Variants in TMEM71 observed in about 807,000 individuals in gnomAD.
The protein encoded by TMEM71 is transmembrane protein 71.
In TMEM71, 44 loss-of-function variants were observed where a neutral mutation model predicts 38.0. That is an observed-to-expected ratio of 1.16 (90% CI 0.91 to 1.49). The LOEUF is 1.49. Among genes scored for constraint, TMEM71 ranks in the 40% most tolerant of loss-of-function variants. The pLI is 0.00. For synonymous variants in TMEM71, 133 were observed against 122.5 expected (o/e 1.09, Z -0.56); for missense variants, 367 against 348.6 (o/e 1.05, Z -0.42).
intron 4 of TMEM71, among the ~76,000 whole-genome samples, chr8:132,749,126 T>G (rs1470440342): frequency 6.6e-6 from 1 of 152,082 alleles, no homozygotes; most frequent in Non-Finnish European, 1.5e-5. Context: ...AGAAAGAAAA[T>G]GGAGTAAGAC....
intron 5 of TMEM71, among the ~76,000 whole-genome samples, chr8:132,739,100 T>C (rs1187957695): frequency 6.6e-6 from 1 of 152,204 alleles, no homozygotes; most frequent in Non-Finnish European, 1.5e-5. Flanking sequence ...AGGAAGCAGA[T>C]TAAGAAAAAT....
intron 5 of TMEM71, among the ~76,000 whole-genome samples, chr8:132,744,480 A>G (rs1376411105): frequency 6.6e-6 from 1 of 152,180 alleles, no homozygotes; most frequent in Non-Finnish European, 1.5e-5. Context: ...AACCAAGGAC[A>G]TAAAAGATCT....
At chr8:132,707,963 A>C (rs1826117094), downstream of TMEM71, among the ~76,000 whole-genome samples, 1 of 152,172 alleles carries the variant, frequency 6.6e-6, no homozygotes, top group South Asian at 2.1e-4. Context: ...GGCTCTTGGC[A>C]CATGGTTGGA....
the TMEM71 span, among the ~76,000 whole-genome samples, chr8:132,770,385 C>A: frequency 5.5e-4 from 84 of 152,280 alleles, no homozygotes; most frequent in African/African-American, 2.0e-3. Flanking sequence ...AGGTTTGGAC[C>A]AGTCTTCACG....
the TMEM71 span, among the ~76,000 whole-genome samples, chr8:132,773,670 A>G: frequency 6.6e-6 from 1 of 152,196 alleles, no homozygotes; most frequent in Non-Finnish European, 1.5e-5. Context: ...TGTGGGAGAA[A>G]AGTTTCCTTA....
At chr8:132,759,868 A>G (rs1209510315) in intron 1 of TMEM71, among the ~76,000 whole-genome samples, 1 of 152,236 alleles carries the variant, frequency 6.6e-6, no homozygotes, top group African/African-American at 2.4e-5. Flanking sequence ...ACCTGTAAAG[A>G]TGTCAGGAGA....
In TMEM71 at chr8:132,722,083, C is replaced by T. The variant is rs761342108; in HGVS notation, c.709G>A (p.Ala237Thr). The T allele has an allele frequency of 3.7e-6, 6 of 1,613,710 alleles. No individual in the cohort carries two copies. Among genetic ancestry groups the T allele is most frequent in the Non-Finnish European group, 5.1e-6 (6 of 1,179,920 alleles). The change falls in exon 7 of 10, where the codon GCA becomes ACA. Residue 237 changes from alanine (A) to threonine (T), a missense_variant. Physicochemically the swap from Ala to Thr is moderately conservative, Grantham distance 58. Transcript: ENST00000677595. ...ATTAAGCACACAGCAAGCAGGATTGCCTGAAAGAAGACCTCTTGCAACAAC... is the reference window on the plus strand; with the variant it reads ...ATTAAGCACACAGCAAGCAGGATTGTCTGAAAGAAGACCTCTTGCAACAAC... ...TRLLQEVFFQ[A>T]ILLAVCLIIS...
At chr8:132,763,355 T>C (rs1444041304), upstream of TMEM71, among the ~76,000 whole-genome samples, 1 of 152,216 alleles carries the variant, frequency 6.6e-6, no homozygotes, top group Non-Finnish European at 1.5e-5. Flanking sequence ...GTGCTTCCCA[T>C]ATAGTAGGTT....
chr8:132,729,147 A>G (rs914398037), intron 5 of TMEM71, among the ~76,000 whole-genome samples: 2 of 152,222 alleles, frequency 1.3e-5, no homozygotes, highest in Admixed American at 6.5e-5. Flanking sequence ...TCCTCATAAC[A>G]CTTGGTGTCT....
chr8:132,730,058 A>C (rs1037001570), intron 5 of TMEM71, among the ~76,000 whole-genome samples: 1 of 151,688 alleles, frequency 6.6e-6, no homozygotes, highest in African/African-American at 2.4e-5. Context: ...TCCTGGGTTC[A>C]GGCGATTCTC....
At chr8:132,732,641 T>G (rs928659514) in intron 5 of TMEM71, among the ~76,000 whole-genome samples, 2 of 152,138 alleles carry the variant, frequency 1.3e-5, no homozygotes, top group African/African-American at 4.8e-5. Context: ...AGTGAGAGAT[T>G]TGCGAGATTC....
downstream of TMEM71, among the ~76,000 whole-genome samples, chr8:132,707,136 G>A (rs1826105806): frequency 6.6e-6 from 1 of 152,170 alleles, no homozygotes; most frequent in Admixed American, 6.5e-5. Context: ...AAGAACTTAT[G>A]CATTCAAAGA....
At chr8:132,713,871 C>T (rs1586782014) in intron 9 of TMEM71, 124 bp downstream of exon 9, 1 of 907,652 alleles carries the variant, frequency 1.1e-6, no homozygotes, top group South Asian at 1.5e-5. Flanking sequence ...AGAAAGTAGT[C>T]TTCAGGACGA....
chr8:132,722,219 A>G lies in TMEM71; in HGVS notation c.677-104T>C, dbSNP rs930872788. On this transcript the variant is annotated intron_variant, in intron 6 of 9. Transcript: ENST00000677595. ...TTCCCTTGTACCCACCAAAAAAAAAAAAAAGTTTTGGAATGTATGTCAGTT... is the reference window on the plus strand; with the variant it reads ...TTCCCTTGTACCCACCAAAAAAAAAGAAAAGTTTTGGAATGTATGTCAGTT... 114 of 912,538 alleles carry G rather than the reference A, an allele frequency of 1.2e-4. No individual in the cohort carries two copies. The East Asian group carries it at 2.8e-3, about 22-fold the overall frequency. 56.5% of individuals were successfully genotyped at this position (912,538 alleles called of 1,614,324 possible). A position where few individuals can be genotyped will look rare whatever the true frequency, so the allele number is the denominator to read the frequency against.
At chr8:132,732,583 G>A (rs1476582392) in intron 5 of TMEM71, among the ~76,000 whole-genome samples, 1 of 152,114 alleles carries the variant, frequency 6.6e-6, no homozygotes, top group East Asian at 1.9e-4. Context: ...AAAAATCTGA[G>A]CATGAGTGTA....
chr8:132,736,155 C>A (rs1160740135), intron 5 of TMEM71, among the ~76,000 whole-genome samples: 2 of 152,186 alleles, frequency 1.3e-5, no homozygotes, highest in Non-Finnish European at 2.9e-5. Flanking sequence ...GGAGCCACAA[C>A]TTCTCTCTTA....
downstream of TMEM71, among the ~76,000 whole-genome samples, chr8:132,707,621 T>C (rs1449917654): frequency 5.3e-5 from 8 of 152,148 alleles, no homozygotes; most frequent in Admixed American, 3.9e-4. Context: ...AGCCATGAGA[T>C]GATGCAGCAA....
intron 8 of TMEM71, 43 bp from the exon 9 acceptor site, chr8:132,714,095 G>T (rs756326628): frequency 2.5e-6 from 4 of 1,611,570 alleles, no homozygotes; most frequent in Middle Eastern, 1.7e-4. Flanking sequence ...ATTTTAAAGT[G>T]ACCAAAATTG....
chr8:132,711,888 T>A (rs1196638293), intron 9 of TMEM71, among the ~76,000 whole-genome samples: 1 of 152,140 alleles, frequency 6.6e-6, no homozygotes, highest in East Asian at 1.9e-4. Context: ...ATTCAGTTCC[T>A]TAGATTCTCA....
Sources: gnomAD v4.1 joint callset for allele counts (sites outside exome capture counted in the v4.1 genomes callset) on GRCh38, gnomAD v4.1.1 for gene constraint, MANE v1.5 for transcripts, NCBI Gene and HGNC (gene_info 2026-07-23, HGNC 2026-07-21) for gene names.